The following KCNIP1 variants were observed in gnomAD, a reference collection of about 807,000 sequenced individuals.
The protein encoded by KCNIP1 is A-type potassium channel modulatory protein KCNIP1.
A neutral mutation model predicts 33.0 loss-of-function variants in KCNIP1; 18 were observed. The ratio of observed to expected loss-of-function variants is 0.55; its 90% CI spans 0.38 to 0.81. The LOEUF is 0.81. KCNIP1 is among the 30% of genes least tolerant of loss of function. KCNIP1 has a pLI of 0.00. For missense variants in KCNIP1, 238 were observed against 271.6 expected (o/e 0.88, Z 0.87); for synonymous variants, 93 against 98.3 (o/e 0.95, Z 0.32).
At chr5:170,470,917 CTG>C (rs998995317) in intron 1 of KCNIP1, among the ~76,000 whole-genome samples, 2 of 152,212 alleles carry the variant, frequency 1.3e-5, no homozygotes, top group African/African-American at 2.4e-5. Flanking sequence ...TCCAAGGTCT[CTG>C]TGCCTGCAGA....
chr5:170,531,401 G>A (rs150310651), intron 1 of KCNIP1, among the ~76,000 whole-genome samples: 69 of 152,254 alleles, frequency 4.5e-4, no homozygotes, highest in African/African-American at 1.4e-3. Flanking sequence ...GGTAGTCTGA[G>A]GACCACCAAT....
chr5:170,381,426 G>A (rs958510004), intron 1 of KCNIP1, among the ~76,000 whole-genome samples: 1 of 152,222 alleles, frequency 6.6e-6, no homozygotes, highest in Admixed American at 6.5e-5. Flanking sequence ...AGAGTTGGAG[G>A]GTGGGATGAG....
intron 1 of KCNIP1, among the ~76,000 whole-genome samples, chr5:170,711,180 C>A (rs1561778063): frequency 6.6e-6 from 1 of 152,142 alleles, no homozygotes; most frequent in Non-Finnish European, 1.5e-5. Context: ...TTTCATGGAG[C>A]AGTTACTCTC....
At chr5:170,510,614 G>A (rs934736906) in intron 1 of KCNIP1, among the ~76,000 whole-genome samples, 11 of 152,166 alleles carry the variant, frequency 7.2e-5, no homozygotes, top group Admixed American at 5.2e-4. Context: ...CCCTTCCTCC[G>A]GGTAGTATTT....
At chr5:170,404,706 T>A (rs1466401843) in intron 1 of KCNIP1, among the ~76,000 whole-genome samples, 1 of 152,192 alleles carries the variant, frequency 6.6e-6, no homozygotes, top group Non-Finnish European at 1.5e-5. Flanking sequence ...AAGCATTTGA[T>A]TGGTCCAAGC....
At position 170,504,191 on chromosome 5, in the gene KCNIP1, C is replaced by CGGCTCCCGCACCGCACGCGGCGCT; in HGVS notation, c.-376_-353dup. 4 of 1,024,390 alleles carry CGGCTCCCGCACCGCACGCGGCGCT rather than the reference C, an allele frequency of 3.9e-6. No individual in the cohort carries two copies. The highest frequency in any genetic ancestry group is 4.7e-6 in the Non-Finnish European group (4 of 856,248). 63.5% of individuals were successfully genotyped at this position (1,024,390 alleles called of 1,614,324 possible). On this transcript the variant is annotated 5_prime_UTR_variant, in exon 1 of 8. Coordinates refer to ENST00000328939, the MANE Select transcript of KCNIP1 (RefSeq NM_014592.4). The surrounding 1 kb of genome is among the most constrained non-coding windows in gnomAD (Gnocchi z 6.0). ...TGCGGCAGGAGGGGCGGGCGGACGG[C>CGGCTCCCGCACCGCACGCGGCGCT]GGCTCCCGCACCGCACGCGGCGCTG...
intron 1 of KCNIP1, among the ~76,000 whole-genome samples, chr5:170,552,690 G>A (rs550575098): frequency 2.0e-4 from 31 of 152,342 alleles, no homozygotes; most frequent in African/African-American, 6.7e-4. Context: ...AGACCGCACA[G>A]GGCCTTTGGG....
At chr5:170,575,150 T>C (rs912460586) in intron 1 of KCNIP1, among the ~76,000 whole-genome samples, 1 of 152,244 alleles carries the variant, frequency 6.6e-6, no homozygotes, top group Non-Finnish European at 1.5e-5. Flanking sequence ...AACCTCACAT[T>C]AAACTAATGT....
chr5:170,442,166 A>C (rs182468621), intron 1 of KCNIP1, among the ~76,000 whole-genome samples: 19 of 152,214 alleles, frequency 1.2e-4, no homozygotes, highest in Non-Finnish European at 2.2e-4. Flanking sequence ...GTCAAATCCC[A>C]GCTTGGCCCC....
intron 1 of KCNIP1, among the ~76,000 whole-genome samples, chr5:170,455,857 G>T (rs1756358941): frequency 6.6e-6 from 1 of 152,186 alleles, no homozygotes; most frequent in South Asian, 2.1e-4. Context: ...TTACACTGTT[G>T]GTGGGACTGT....
At chr5:170,543,624 A>G (rs909051783) in intron 1 of KCNIP1, among the ~76,000 whole-genome samples, 10 of 152,202 alleles carry the variant, frequency 6.6e-5, no homozygotes, top group East Asian at 5.8e-4. Flanking sequence ...TTTGGGGCAA[A>G]TATTTCCAAG....
chr5:170,367,425 AGAAAGAAAGAAAG>A (rs1763719313), intron 1 of KCNIP1, among the ~76,000 whole-genome samples: 2 of 141,736 alleles, frequency 1.4e-5, no homozygotes, highest in Admixed American at 7.0e-5. Context: ...AAGAAAGGAA[AGAAAGAAAGAAAG>A]GAAAGAAAGG....
At chr5:170,426,157 A>G (rs924885899) in intron 1 of KCNIP1, among the ~76,000 whole-genome samples, 1 of 151,950 alleles carries the variant, frequency 6.6e-6, no homozygotes, top group African/African-American at 2.4e-5. Context: ...GAGCTCCTCC[A>G]TGGTAGGGAC....
rs532317050 is a variant in KCNIP1 at position 170,508,259 on chromosome 5, G to A, written c.61+3626G>A. On this transcript the variant is annotated intron_variant, in intron 1 of 7. Transcript: ENST00000328939. ...GGATCTCCAGAATAGTCATAGCATA[G>A]GTGAGCTATGACTCAACCCCATGGC... 4.6e-5 allele frequency among the ~76,000 whole-genome samples: 7 copies of A among 152,298 alleles called. 2 individuals carry two copies. The South Asian group carries it at 1.2e-3, about 27-fold the overall frequency.
In KCNIP1 at chr5:170,489,204, T is replaced by C. The variant is rs1407417604; in HGVS notation, c.88+135240T>C. 1.3e-5 allele frequency among the ~76,000 whole-genome samples: 2 copies of C among 152,152 alleles called. No individual in the cohort carries two copies. Among genetic ancestry groups the C allele is most frequent in the Admixed American group, 6.5e-5 (1 of 15,280 alleles). On this transcript the variant is annotated intron_variant, in intron 1 of 7. Transcript: ENST00000377360. The surrounding 1 kb of genome is among the most constrained non-coding windows in gnomAD (Gnocchi z 4.3). ...CACTGAAGGAAGAGGTAGGGGACGATGACTCCATCTGTCACCTCGGCACTT... is the reference window on the plus strand; with the variant it reads ...CACTGAAGGAAGAGGTAGGGGACGACGACTCCATCTGTCACCTCGGCACTT...
At position 170,569,621 on chromosome 5, in the gene KCNIP1, G is replaced by A. The variant is rs540915219; in HGVS notation, c.61+64988G>A. Among the ~76,000 whole-genome samples, 16 of 152,306 alleles carry A rather than the reference G, an allele frequency of 1.1e-4. No individual in the cohort carries two copies. In the South Asian group the frequency reaches 1.9e-3, roughly 18 times the overall value. ...AAGCTGGGCTTTGCGGCATGCCACC[G>A]TAGTCCTAGCTACTCGGGAGGCTGA... On this transcript the variant is annotated intron_variant, in intron 1 of 7. Transcript: ENST00000328939.
At chr5:170,687,216 C>G (rs1460328637) in intron 1 of KCNIP1, among the ~76,000 whole-genome samples, 1 of 149,700 alleles carries the variant, frequency 6.7e-6, no homozygotes, top group East Asian at 1.9e-4. Flanking sequence ...GAGTCTTGCT[C>G]TGTTGCCCAG....
At chr5:170,503,162 G>A (rs1337265449), upstream of KCNIP1, among the ~76,000 whole-genome samples, 1 of 152,076 alleles carries the variant, frequency 6.6e-6, no homozygotes, top group East Asian at 1.9e-4. Flanking sequence ...GGCCAAGGCG[G>A]GTGGATCACC....
chr5:170,663,942 C>T (rs1000053243), intron 1 of KCNIP1, among the ~76,000 whole-genome samples: 6 of 152,102 alleles, frequency 3.9e-5, no homozygotes, highest in African/African-American at 7.2e-5. Flanking sequence ...TATCTGCACC[C>T]TCCTTCAACC....
Sources: gnomAD v4.1 joint callset for allele counts (sites outside exome capture counted in the v4.1 genomes callset) on GRCh38, gnomAD v4.1.1 for gene constraint, Gnocchi (gnomAD v3.1) non-coding constraint, MANE v1.5 for transcripts, NCBI Gene and HGNC (gene_info 2026-07-23, HGNC 2026-07-21) for gene names.